PCDHGB2: variants seen among roughly 807,000 people sequenced by gnomAD.
The protein encoded by PCDHGB2 is protocadherin gamma-B2.
PCDHGB2 carries 55 observed loss-of-function variants against 59.3 expected under a neutral mutation model. That is an observed-to-expected ratio of 0.93 (90% CI 0.75 to 1.16). The LOEUF (loss-of-function observed/expected upper bound fraction) is 1.16. PCDHGB2 is among the 50% of genes most tolerant of loss of function. PCDHGB2 has a pLI of 0.00. For missense variants in PCDHGB2, 1,228 were observed against 1,198.5 expected, an observed-to-expected ratio of 1.02 and a Z score of -0.36; for synonymous variants, 516 against 512.0, an observed-to-expected ratio of 1.01 and a Z score of -0.11.
intron 1 of PCDHGB2, among the ~76,000 whole-genome samples, chr5:141,438,633 T>C (rs1222106413): frequency 2.9e-5 from 1 of 34,046 alleles, no homozygotes; most frequent in Non-Finnish European, 5.1e-5. Context: ...TATATATATA[T>C]ATACACACAC....
At chr5:141,382,839 T>TA in intron 1 of PCDHGB2, 1 of 1,450,270 alleles carries the variant, frequency 6.9e-7, no homozygotes, top group South Asian at 1.4e-5. Flanking sequence ...TCCACCCGGA[T>TA]ACACCCGCAT....
chr5:141,402,892 A>G, intron 1 of PCDHGB2: 10 of 1,498,814 alleles, frequency 6.7e-6, no homozygotes, highest in Non-Finnish European at 8.9e-6. Flanking sequence ...GGTGGAAGAA[A>G]GAACCTGATG....
At chr5:141,418,800 GAT>G (rs777421725) in intron 1 of PCDHGB2, 1 of 1,613,800 alleles carries the variant, frequency 6.2e-7, no homozygotes, top group Non-Finnish European at 8.5e-7. Flanking sequence ...GAAGTAGAAA[GAT>G]ATACGATAAA....
chr5:141,408,540 C>A (rs201370009), intron 1 of PCDHGB2: 1 of 1,614,046 alleles, frequency 6.2e-7, no homozygotes. Flanking sequence ...GTGGAAAATC[C>A]TTTAAATATT....
At position 141,398,955 on chromosome 5, in the gene PCDHGB2, A is replaced by T. The variant is rs2093730495; in HGVS notation, c.2421+36399A>T. 1.2e-6 allele frequency: 2 copies of T among 1,613,966 alleles called. No homozygotes were observed. Among genetic ancestry groups the T allele is most frequent in the African/African-American group, 1.3e-5 (1 of 75,040 alleles). On this transcript the variant is annotated intron_variant, in intron 1 of 3. Transcript: ENST00000522605. ...ACCAAGACGAGGGCATCAACTCAGA[A>T]ATTACTTATTCCTTCTACAGAACCG...
intron 1 of PCDHGB2, among the ~76,000 whole-genome samples, chr5:141,474,062 C>G (rs745636246): frequency 6.6e-6 from 1 of 152,104 alleles, no homozygotes; most frequent in Non-Finnish European, 1.5e-5. Flanking sequence ...AGAGCGAGAT[C>G]CTGCCTCAGA....
intron 1 of PCDHGB2, chr5:141,390,294 TA>T: frequency 6.2e-7 from 1 of 1,613,956 alleles, no homozygotes; most frequent in South Asian, 1.1e-5. Flanking sequence ...GAGTTTCCTT[TA>T]AGTATAATTT....
At chr5:141,421,619 C>G in intron 1 of PCDHGB2, 1 of 1,613,694 alleles carries the variant, frequency 6.2e-7, no homozygotes, top group Non-Finnish European at 8.5e-7. Flanking sequence ...AATGATAACG[C>G]CCCCAGCTTC....
chr5:141,430,951 C>A, intron 1 of PCDHGB2: 3 of 1,610,496 alleles, frequency 1.9e-6, no homozygotes, highest in Non-Finnish European at 2.5e-6. Flanking sequence ...AGCGCGGAGT[C>A]CGCATCATCC....
intron 1 of PCDHGB2, chr5:141,370,818 ATCAGCGAACTGGCTC>A (rs758994219): frequency 6.2e-7 from 1 of 1,614,074 alleles, no homozygotes; most frequent in South Asian, 1.1e-5. Flanking sequence ...TGAGCTGGAA[ATCAGCGAACTGGCTC>A]TCACTGGAGC....
At position 141,375,817 on chromosome 5, in the gene PCDHGB2, G is replaced by T. The variant is rs376557886; in HGVS notation, c.2421+13261G>T. 8 of 1,614,164 alleles carry T rather than the reference G, an allele frequency of 5.0e-6. No homozygotes were observed. In the African/African-American group the frequency reaches 9.3e-5, roughly 19 times the overall value. ...ACGGTTCCACTGGCGTGGAGCTGGC[G>T]CCCCGCTCCGCAGAGCCCGGCTACC... On this transcript the variant is annotated intron_variant, in intron 1 of 3. Coordinates refer to ENST00000522605, the MANE Select transcript of PCDHGB2 (RefSeq NM_018923.3).
intron 1 of PCDHGB2, among the ~76,000 whole-genome samples, chr5:141,373,006 G>GCCT (rs775944130): frequency 4.6e-5 from 7 of 152,146 alleles, no homozygotes; most frequent in Non-Finnish European, 8.8e-5. Context: ...TTCATAGAAA[G>GCCT]CCTCCTTTTG....
At chr5:141,454,283 T>G (rs2098785864) in intron 1 of PCDHGB2, among the ~76,000 whole-genome samples, 1 of 152,134 alleles carries the variant, frequency 6.6e-6, no homozygotes, top group Non-Finnish European at 1.5e-5. Flanking sequence ...AACTTCACAT[T>G]AAAGGAACTC....
Position 141,490,849 on chromosome 5 carries a change from C to A in PCDHGB2, c.2422-3958C>A, listed in dbSNP as rs200640560. The A allele has an allele frequency of 6.2e-7, 1 of 1,613,748 alleles. No individual in the cohort carries two copies. Among genetic ancestry groups the A allele is most frequent in the Non-Finnish European group, 8.5e-7 (1 of 1,179,862 alleles). On this transcript the variant is annotated intron_variant, in intron 1 of 3. Coordinates refer to ENST00000522605, the MANE Select transcript of PCDHGB2 (RefSeq NM_018923.3). This position sits in a 1 kb window ranked among gnomAD's most constrained non-coding sequence, Gnocchi z 5.4. ...GATGCTGCAGATTGTGGTGGGGGTT[C>A]GAGACTCCGGCTCTCCCCCATTGCA...
In PCDHGB2 at chr5:141,491,144, TGGA is replaced by T. The variant is rs757881044; in HGVS notation, c.2422-3659_2422-3657del. ...GAGGTGCGCACAGCCCGGGCCTTAC[TGGA>T]GGATGACTCTGACACCCAGCAGGTG... On this transcript the variant is annotated intron_variant, in intron 1 of 3. Coordinates refer to ENST00000522605, the MANE Select transcript of PCDHGB2 (RefSeq NM_018923.3). This position sits in a 1 kb window ranked among gnomAD's most constrained non-coding sequence, Gnocchi z 6.9. The T allele has an allele frequency of 1.2e-6, 2 of 1,614,158 alleles. No individual in the cohort carries two copies. The highest frequency in any genetic ancestry group is 2.2e-5 in the South Asian group (2 of 91,086).
intron 1 of PCDHGB2, chr5:141,376,548 T>A: frequency 6.2e-7 from 1 of 1,612,424 alleles, no homozygotes; most frequent in South Asian, 1.1e-5. Flanking sequence ...TAATCTGATC[T>A]TCCCGCAACC....
chr5:141,415,419 C>T (rs2095868053), intron 1 of PCDHGB2: 1 of 1,614,196 alleles, frequency 6.2e-7, no homozygotes, highest in Non-Finnish European at 8.5e-7. Context: ...TGGGCGTGGA[C>T]GGGGTTCGGG....
intron 1 of PCDHGB2, chr5:141,478,906 C>T: frequency 1.1e-6 from 1 of 906,534 alleles, no homozygotes; most frequent in Non-Finnish European, 1.6e-6. Context: ...GAATAAGCTG[C>T]TGGATACCTC....
At chr5:141,506,955 C>G (rs1387377785) in intron 3 of PCDHGB2, 1 of 152,244 alleles carries the variant, frequency 6.6e-6, no homozygotes, top group Non-Finnish European at 1.5e-5. Context: ...AATGAATCCT[C>G]TCAATAGCTC....
Sources: allele counts gnomAD v4.1 joint callset (sites outside exome capture counted in the v4.1 genomes callset), GRCh38; gene constraint gnomAD v4.1.1; non-coding constraint Gnocchi (gnomAD v3.1); transcripts MANE v1.5; gene names NCBI Gene and HGNC (gene_info 2026-07-23, HGNC 2026-07-21).